The following JADE3 variants were observed in gnomAD, a reference collection of about 807,000 sequenced individuals.
JADE3 encodes the protein protein Jade-3.
Under a neutral mutation model 50.1 loss-of-function variants are expected in JADE3, and 2 were observed. That is an observed-to-expected ratio of 0.04 (90% CI 0.02 to 0.13). The LOEUF (loss-of-function observed/expected upper bound fraction) is 0.13, where lower values mean the gene tolerates loss of function less well. JADE3 is among the 10% of genes least tolerant of loss of function. The pLI is 1.00. For missense variants in JADE3, 475 were observed against 634.4 expected, an observed-to-expected ratio of 0.75 and a Z score of 2.70; for synonymous variants, 218 against 232.9, an observed-to-expected ratio of 0.94 and a Z score of 0.58.
intron 1 of JADE3, among the ~76,000 whole-genome samples, chrX:46,916,203 T>G (rs964828335): frequency 8.9e-6 from 1 of 112,703 alleles, no homozygotes; most frequent in Non-Finnish European, 1.9e-5. Context: ...CAAACTGTTA[T>G]AAGAATAGTA....
rs1556374262 is a variant in JADE3 at position 47,058,983 on chromosome X, G to A, written c.2378G>A (p.Ser793Asn). 1 of 1,209,712 alleles carries A rather than the reference G, an allele frequency of 8.3e-7. No individual in the cohort carries two copies. Among genetic ancestry groups the A allele is most frequent in the South Asian group, 1.8e-5 (1 of 56,896 alleles). Residue 793 changes from serine to asparagine, a missense_variant, in exon 11 of 11, where the codon AGC becomes AAC. Transcript: ENST00000614628. The part of the protein sequence containing the change: ...NKEKVRVRKD[S>N]SDRENPPHDS... ...GAAAAAGTCAGGGTAAGGAAAGATA[G>A]CTCAGACAGGGAAAATCCTCCCCAT...
chrX:47,050,385 G>A (rs1392700155), intron 8 of JADE3, among the ~76,000 whole-genome samples: 3 of 111,813 alleles, frequency 2.7e-5, no homozygotes, highest in Non-Finnish European at 5.6e-5. Context: ...TGTTTATGGT[G>A]AGAACATTCA....
intron 1 of JADE3, among the ~76,000 whole-genome samples, chrX:46,935,971 C>G (rs1926612401): frequency 9.7e-6 from 1 of 103,589 alleles, no homozygotes; most frequent in Non-Finnish European, 2.0e-5. Context: ...GCCACCACGC[C>G]TGGCTGATTT....
intron 1 of JADE3, among the ~76,000 whole-genome samples, chrX:46,982,570 C>T (rs1191576488): frequency 9.0e-6 from 1 of 111,235 alleles, no homozygotes; most frequent in African/African-American, 3.3e-5. Context: ...ACTACCCCTC[C>T]ACCAGGGTTC....
At chrX:47,057,880 G>C (rs1377224825) in intron 10 of JADE3, among the ~76,000 whole-genome samples, 2 of 111,796 alleles carry the variant, frequency 1.8e-5, no homozygotes, top group African/African-American at 6.5e-5. Flanking sequence ...GAAGGGCAGA[G>C]ATGGGACGCA....
chrX:47,039,790 A>G (rs782742732), intron 8 of JADE3, among the ~76,000 whole-genome samples: 188 of 111,887 alleles, frequency 1.7e-3, no homozygotes, highest in African/African-American at 5.7e-3. Flanking sequence ...TCAAGGGTAC[A>G]TGTCCAGGTT....
At position 47,054,154 on chromosome X, in the gene JADE3, A is replaced by G; in HGVS notation, c.973-4A>G. The G allele has an allele frequency of 3.4e-6, 4 of 1,182,400 alleles. No individual in the cohort carries two copies. The highest frequency in any genetic ancestry group is 4.6e-6 in the Non-Finnish European group (4 of 873,214). On this transcript the variant is annotated splice_polypyrimidine_tract_variant and splice_region_variant and intron_variant, in intron 8 of 10. Transcript: ENST00000614628. Reference sequence around the variant, plus strand: ...CTACCTTGACACCTATTTTCTTCCTACAGTGCTCTATAAAAAGCTGCATCA... The same window carrying G: ...CTACCTTGACACCTATTTTCTTCCTGCAGTGCTCTATAAAAAGCTGCATCA...
chrX:46,956,811 C>T (rs1242393632), intron 1 of JADE3, among the ~76,000 whole-genome samples: 3 of 102,632 alleles, frequency 2.9e-5, no homozygotes, highest in Non-Finnish European at 6.0e-5. Flanking sequence ...TTCCCCTCCC[C>T]TCCCCTTTCC....
At chrX:46,925,697 G>A (rs188819136) in intron 1 of JADE3, among the ~76,000 whole-genome samples, 2,290 of 109,591 alleles carry the variant, frequency 0.021, 50 homozygotes, top group African/African-American at 0.071. Flanking sequence ...GGTGGCAGGC[G>A]CCTGTAGTCC....
intron 1 of JADE3, among the ~76,000 whole-genome samples, chrX:46,945,830 G>A (rs1168610450): frequency 1.8e-5 from 2 of 111,132 alleles, no homozygotes; most frequent in African/African-American, 6.5e-5. Context: ...TTTTCTCTTG[G>A]GGCCCCTTCT....
chrX:46,956,714 C>CCTTT (rs1927126544), intron 1 of JADE3, among the ~76,000 whole-genome samples: 1 of 108,148 alleles, frequency 9.2e-6, no homozygotes, highest in Admixed American at 9.9e-5. Context: ...CCCTTCCTTT[C>CCTTT]CTTTCTTTCT....
chrX:46,937,958 C>A (rs913373505), intron 1 of JADE3, among the ~76,000 whole-genome samples: 8 of 111,487 alleles, frequency 7.2e-5, no homozygotes, highest in African/African-American at 2.6e-4. Context: ...CCATCCTGGG[C>A]GATGAGCAAA....
chrX:46,980,804 C>T (rs994435790), intron 1 of JADE3, among the ~76,000 whole-genome samples: 4 of 110,994 alleles, frequency 3.6e-5, no homozygotes, highest in African/African-American at 1.3e-4. Context: ...CAGAGATGTC[C>T]GTGTCCTAAT....
At chrX:46,973,236 G>A (rs1469783798) in intron 1 of JADE3, among the ~76,000 whole-genome samples, 5 of 112,580 alleles carry the variant, frequency 4.4e-5, no homozygotes, top group African/African-American at 1.6e-4. Context: ...TCTGTGGCAG[G>A]AATCTGCCTA....
chrX:46,915,946 C>A (rs180690657), intron 1 of JADE3, among the ~76,000 whole-genome samples: 1 of 111,648 alleles, frequency 9.0e-6, no homozygotes, highest in Non-Finnish European at 1.9e-5. Flanking sequence ...ATAATTTAAT[C>A]TTTGCCAAAA....
chrX:46,953,929 C>T (rs928129109), intron 1 of JADE3, among the ~76,000 whole-genome samples: 1 of 111,391 alleles, frequency 9.0e-6, no homozygotes, highest in Non-Finnish European at 1.9e-5. Context: ...CCTCCCTCTC[C>T]TGTTTGTCTC....
chrX:46,919,102 A>G (rs1926166791), intron 1 of JADE3, among the ~76,000 whole-genome samples: 1 of 112,782 alleles, frequency 8.9e-6, no homozygotes, highest in South Asian at 3.6e-4. Context: ...TGCCATTGGT[A>G]ACACCTCTTC....
At chrX:46,935,826 C>CTTTTTTTTT in intron 1 of JADE3, among the ~76,000 whole-genome samples, 1 of 62,749 alleles carries the variant, frequency 1.6e-5, no homozygotes, top group Non-Finnish European at 2.7e-5. Context: ...AAGTCTTTCA[C>CTTTTTTTTT]TTTTTTTTTT....
chrX:47,049,328 A>T (rs1929450059), intron 8 of JADE3, among the ~76,000 whole-genome samples: 1 of 107,205 alleles, frequency 9.3e-6, no homozygotes, highest in South Asian at 4.1e-4. Context: ...CTGGGATTAC[A>T]GGTGCCCGCC....
Sources: gnomAD v4.1 joint callset for allele counts (sites outside exome capture counted in the v4.1 genomes callset) on GRCh38, gnomAD v4.1.1 for gene constraint, MANE v1.5 for transcripts, NCBI Gene and HGNC (gene_info 2026-07-23, HGNC 2026-07-21) for gene names.